The following DNAI4 variants were observed in gnomAD, a reference collection of about 807,000 sequenced individuals.
DNAI4 encodes WD repeat domain 78.
Under a neutral mutation model 105.8 loss-of-function variants are expected in DNAI4, and 85 were observed. The ratio of observed to expected loss-of-function variants is 0.80; its 90% confidence interval spans 0.67 to 0.96. The LOEUF is 0.96. Ranked by LOEUF, DNAI4 falls within the 40% of genes least tolerant of loss-of-function variation. DNAI4 has a pLI of 0.00. For missense variants in DNAI4, 1,014 were observed against 1,005.6 expected (o/e 1.01, Z -0.11); for synonymous variants, 352 against 331.5 (o/e 1.06, Z -0.67).
At chr1:66,833,503 T>C in intron 13 of DNAI4, 82 bp downstream of exon 13, 1 of 1,476,716 alleles carries the variant, frequency 6.8e-7, no homozygotes, top group Non-Finnish European at 9.2e-7. Context: ...CAGGCTAATA[T>C]TTGGTCTTGT....
At chr1:66,866,244 T>C (rs1028854273) in intron 6 of DNAI4, among the ~76,000 whole-genome samples, 2 of 151,772 alleles carry the variant, frequency 1.3e-5, no homozygotes. Context: ...GAGGCGATGG[T>C]TGCAGTGAGC....
chr1:66,848,355 T>A (rs1272803284), intron 7 of DNAI4: 5 of 429,090 alleles, frequency 1.2e-5, no homozygotes, highest in African/African-American at 2.1e-5. Context: ...GTGATTAGAC[T>A]GGGCCCAATA....
chr1:66,879,784 C>T (rs1407671472), intron 4 of DNAI4, among the ~76,000 whole-genome samples: 1 of 152,104 alleles, frequency 6.6e-6, no homozygotes. Context: ...TGAAACTGAG[C>T]ATCATTTCAT....
intron 11 of DNAI4, among the ~76,000 whole-genome samples, chr1:66,834,654 T>C (rs1645943285): frequency 6.6e-6 from 1 of 152,106 alleles, no homozygotes; most frequent in African/African-American, 2.4e-5. Flanking sequence ...TCTCTATGGA[T>C]TAGAGTTAAA....
intron 4 of DNAI4, among the ~76,000 whole-genome samples, chr1:66,883,098 A>C (rs1326731255): frequency 6.6e-6 from 1 of 151,636 alleles, no homozygotes; most frequent in Non-Finnish European, 1.5e-5. Context: ...GCAAACAGAA[A>C]GGCAGTTTGC....
At chr1:66,910,372 T>C (rs886834713) in intron 1 of DNAI4, among the ~76,000 whole-genome samples, 1 of 152,250 alleles carries the variant, frequency 6.6e-6, no homozygotes, top group Non-Finnish European at 1.5e-5. Context: ...TCTGATTTCA[T>C]CTTTCGTGAT....
In DNAI4 at chr1:66,890,811, AAAG is replaced by A. The variant is rs1647553358; in HGVS notation, c.643+340_643+342del. ...GAAGAAGAAGTGAGGAAGAAGAGGA[AAAG>A]AAGAGGAAAAGAGGAAGAGGAAGAA... On this transcript the variant is annotated intron_variant, in intron 4 of 16. Transcript: ENST00000371026. The surrounding 1 kb of genome is among the most constrained non-coding windows in gnomAD (Gnocchi z 4.1). 9.5e-6 allele frequency: 3 copies of A among 314,978 alleles called. No individual in the cohort carries two copies. Among genetic ancestry groups the A allele is most frequent in the Non-Finnish European group, 1.2e-5 (2 of 167,410 alleles). The allele number at this position is 314,978 out of a possible 1,614,324, so 19.5% of individuals were successfully genotyped here.
intron 1 of DNAI4, among the ~76,000 whole-genome samples, chr1:66,923,264 G>C (rs1650675656): frequency 6.6e-6 from 1 of 152,124 alleles, no homozygotes; most frequent in South Asian, 2.1e-4. Flanking sequence ...TAGATGTATA[G>C]CCTACTATAG....
intron 2 of DNAI4, among the ~76,000 whole-genome samples, chr1:66,902,899 C>T (rs1000469171): frequency 6.6e-6 from 1 of 152,118 alleles, no homozygotes; most frequent in South Asian, 2.1e-4. Flanking sequence ...TGGTCTATAC[C>T]GTATGTTTGT....
chr1:66,923,050 C>T (rs1477412279), intron 1 of DNAI4, among the ~76,000 whole-genome samples: 2 of 152,142 alleles, frequency 1.3e-5, no homozygotes, highest in Admixed American at 6.5e-5. Flanking sequence ...TGAAAAATTC[C>T]TATTGTCTAA....
In DNAI4 at chr1:66,813,936, T is replaced by C; in HGVS notation, c.*194A>G. The C allele has an allele frequency of 2.1e-6, 1 of 477,480 alleles. No individual in the cohort carries two copies. Among genetic ancestry groups the C allele is most frequent in the Admixed American group, 3.9e-5 (1 of 25,558 alleles). The allele number at this position is 477,480 out of a possible 1,614,324, so 29.6% of individuals were successfully genotyped here. A position where few individuals can be genotyped will look rare whatever the true frequency, so the allele number is the denominator to read the frequency against. On this transcript the variant is annotated 3_prime_UTR_variant, in exon 17 of 17. Transcript: ENST00000371026. The stretch of plus-strand genomic sequence containing the variant: ...AATTAAGAAAATTCCACTGAAACTC[T>C]TAAGAATAACTCTTAGATTGTAAAC...
At chr1:66,874,183 G>C (rs1430156312) in intron 5 of DNAI4, among the ~76,000 whole-genome samples, 1 of 151,770 alleles carries the variant, frequency 6.6e-6, no homozygotes, top group East Asian at 1.9e-4. Flanking sequence ...AATGATAAAG[G>C]GGTCAATTCT....
At chr1:66,846,469 G>T (rs1646277739) in intron 8 of DNAI4, among the ~76,000 whole-genome samples, 1 of 152,172 alleles carries the variant, frequency 6.6e-6, no homozygotes, top group Non-Finnish European at 1.5e-5. Context: ...GGGGATAAGG[G>T]TAGACTGTCA....
intron 7 of DNAI4, among the ~76,000 whole-genome samples, chr1:66,857,691 C>T (rs983669508): frequency 1.3e-5 from 2 of 152,010 alleles, no homozygotes; most frequent in African/African-American, 2.4e-5. Context: ...TGAACCACAA[C>T]GCCCGGCTGA....
chr1:66,859,352 G>GA (rs57408727), intron 7 of DNAI4, among the ~76,000 whole-genome samples: 66,754 of 151,896 alleles, frequency 0.44, 15,405 homozygotes, highest in East Asian at 0.67. Flanking sequence ...ATTGCTAATG[G>GA]ATGCAAAATA....
chr1:66,903,373 A>AT (rs1386630136), intron 2 of DNAI4, among the ~76,000 whole-genome samples: 1 of 151,810 alleles, frequency 6.6e-6, no homozygotes, highest in Non-Finnish European at 1.5e-5. Context: ...TGTGTTGTTG[A>AT]TTTTCTGTCC....
At chr1:66,818,769 C>T (rs1320045164) in intron 16 of DNAI4, among the ~76,000 whole-genome samples, 1 of 152,054 alleles carries the variant, frequency 6.6e-6, no homozygotes, top group African/African-American at 2.4e-5. Context: ...AAAAATTAGC[C>T]AGGCGTGGTG....
rs3033717 is a variant in DNAI4, at chr1:66,858,532, C to CAAAAAAAAAAA, written c.1096+3604_1096+3614dup. 9.7e-3 allele frequency among the ~76,000 whole-genome samples: 611 copies of CAAAAAAAAAAA among 63,144 alleles called. 16 individuals are homozygous for CAAAAAAAAAAA. The highest frequency in any genetic ancestry group is 0.016 in the African/African-American group (281 of 17,814). 41.4% of individuals were successfully genotyped at this position (63,144 alleles called of 152,430 possible). A position where few individuals can be genotyped will look rare whatever the true frequency, so the allele number is the denominator to read the frequency against. On this transcript the variant is annotated intron_variant, in intron 7 of 16. Transcript: ENST00000371026. ...TGGGCAACAGAGCAAGACTCCGTCT[C>CAAAAAAAAAAA]AAAAAAAAAAAAAAAAAATGCAAAA...
At chr1:66,850,082 A>G (rs1426243460) in intron 7 of DNAI4, among the ~76,000 whole-genome samples, 1 of 151,628 alleles carries the variant, frequency 6.6e-6, no homozygotes. Context: ...CACAATGATG[A>G]TAAACTCAAA....
Sources: allele counts gnomAD v4.1 joint callset (sites outside exome capture counted in the v4.1 genomes callset), GRCh38; gene constraint gnomAD v4.1.1; non-coding constraint Gnocchi (gnomAD v3.1); transcripts MANE v1.5; gene names NCBI Gene and HGNC (gene_info 2026-07-23, HGNC 2026-07-21).